R3HDM2: variants seen among roughly 807,000 people sequenced by gnomAD.
R3HDM2 encodes R3H domain-containing protein 2.
A neutral mutation model predicts 124.5 loss-of-function variants in R3HDM2; 38 were observed. The observed-to-expected ratio is 0.31, with a 90% CI of 0.24 to 0.40. R3HDM2 has a LOEUF of 0.40. Among genes scored for constraint, R3HDM2 ranks in the 10% least tolerant of loss-of-function variants. The pLI is 1.00. For synonymous variants in R3HDM2, 391 were observed against 448.0 expected, an observed-to-expected ratio of 0.87 and a Z score of 1.61; for missense variants, 869 against 1,236.9, an observed-to-expected ratio of 0.70 and a Z score of 4.46.
At chr12:57,408,996 T>C (rs2068771833) in intron 1 of R3HDM2, among the ~76,000 whole-genome samples, 1 of 152,184 alleles carries the variant, frequency 6.6e-6, no homozygotes, top group Admixed American at 6.5e-5. Context: ...TACTCAGCAA[T>C]TGACTTAATT....
At chr12:57,367,128 A>C (rs920871021) in intron 2 of R3HDM2, among the ~76,000 whole-genome samples, 1 of 152,026 alleles carries the variant, frequency 6.6e-6, no homozygotes, top group African/African-American at 2.4e-5. Flanking sequence ...CCTTCTAAGG[A>C]CTCTACTCAA....
chr12:57,261,924 C>T (rs1434865628), intron 19 of R3HDM2, among the ~76,000 whole-genome samples: 1 of 152,118 alleles, frequency 6.6e-6, no homozygotes, highest in Non-Finnish European at 1.5e-5. Flanking sequence ...GTGTGAATGG[C>T]TTTTTAAGTG....
chr12:57,280,612 T>G, intron 13 of R3HDM2, 82 bp from the exon 14 acceptor site: 3 of 1,293,482 alleles, frequency 2.3e-6, no homozygotes, highest in Non-Finnish European at 3.1e-6. Context: ...CAGAGGGCTC[T>G]ACTTTTTCTT....
chr12:57,370,704 T>A (rs2063248675), intron 2 of R3HDM2, among the ~76,000 whole-genome samples: 1 of 152,144 alleles, frequency 6.6e-6, no homozygotes, highest in South Asian at 2.1e-4. Flanking sequence ...AGGTAGTATG[T>A]TTATAGCAGT....
intron 19 of R3HDM2, among the ~76,000 whole-genome samples, chr12:57,260,263 C>CAAAAAAAAAAAAAAAAAAAAAAAGAAAA (rs566868060): frequency 3.2e-5 from 1 of 31,562 alleles, no homozygotes; most frequent in Non-Finnish European, 5.3e-5. Flanking sequence ...GACCCTGCCT[C>CAAAAAAAAAAAAAAAAAAAAAAAGAAAA]AAAAAAAAAA....
chr12:57,307,621 A>G (rs1252946757), intron 3 of R3HDM2, among the ~76,000 whole-genome samples: 1 of 120,664 alleles, frequency 8.3e-6, no homozygotes, highest in East Asian at 2.6e-4. Flanking sequence ...GCACCCAGCC[A>G]TGCTCTTTTT....
intron 4 of R3HDM2, 78 bp downstream of exon 4, chr12:57,303,098 C>A: frequency 7.6e-7 from 1 of 1,321,926 alleles, no homozygotes; most frequent in South Asian, 1.3e-5. Flanking sequence ...TTTGAACAAA[C>A]TAGATATTCA....
intron 2 of R3HDM2, among the ~76,000 whole-genome samples, chr12:57,360,813 T>C (rs1342219537): frequency 6.6e-6 from 1 of 152,130 alleles, no homozygotes; most frequent in South Asian, 2.1e-4. Context: ...CCCAGCATTT[T>C]GGGAGGCTGA....
intron 19 of R3HDM2, among the ~76,000 whole-genome samples, chr12:57,264,926 T>G (rs771357287): frequency 1.3e-5 from 2 of 152,178 alleles, no homozygotes; most frequent in Admixed American, 6.5e-5. Flanking sequence ...TGTGTACCAC[T>G]GCACACAGTC....
At chr12:57,418,745 G>A (rs1302342959) in intron 1 of R3HDM2, among the ~76,000 whole-genome samples, 2 of 151,884 alleles carry the variant, frequency 1.3e-5, no homozygotes, top group African/African-American at 4.8e-5. Context: ...TGTATTTTTG[G>A]TAGAGATGGG....
intron 2 of R3HDM2, among the ~76,000 whole-genome samples, chr12:57,380,952 G>A (rs964424153): frequency 6.6e-6 from 1 of 152,134 alleles, no homozygotes; most frequent in African/African-American, 2.4e-5. Flanking sequence ...TGGGCAGGCC[G>A]GGCACGGTGG....
intron 14 of R3HDM2, among the ~76,000 whole-genome samples, chr12:57,273,893 G>A (rs1331811778): frequency 6.6e-6 from 1 of 152,148 alleles, no homozygotes; most frequent in Non-Finnish European, 1.5e-5. Context: ...TCTCCAAAGA[G>A]GAGAATACTC....
At chr12:57,395,067 G>A (rs946069879) in intron 2 of R3HDM2, among the ~76,000 whole-genome samples, 2 of 151,850 alleles carry the variant, frequency 1.3e-5, no homozygotes, top group Non-Finnish European at 2.9e-5. Context: ...AAAATTAGCT[G>A]GGCATGGTGG....
At chr12:57,363,325 C>T (rs2062172464) in intron 2 of R3HDM2, among the ~76,000 whole-genome samples, 1 of 152,082 alleles carries the variant, frequency 6.6e-6, no homozygotes, top group Admixed American at 6.6e-5. Flanking sequence ...AATTCTATGG[C>T]TTTTAGCATA....
intron 2 of R3HDM2, among the ~76,000 whole-genome samples, chr12:57,370,613 C>T (rs898021846): frequency 6.6e-6 from 1 of 151,986 alleles, no homozygotes; most frequent in Non-Finnish European, 1.5e-5. Flanking sequence ...GCACTCCAGC[C>T]TGGGCAACAA....
chr12:57,377,728 C>A (rs1365346511), intron 2 of R3HDM2, among the ~76,000 whole-genome samples: 2 of 152,124 alleles, frequency 1.3e-5, no homozygotes, highest in Non-Finnish European at 1.5e-5. Context: ...ACATACCAGG[C>A]TTTGTGATCC....
rs147613444 is a variant in R3HDM2, at chr12:57,333,565, G to A, written c.-35-23102C>T. ...AAATTAGCCAGGCATGGTGGCAGGC[G>A]CCTGTAATCCCAGCTACTTTGAAGG... On this transcript the variant is annotated intron_variant, in intron 2 of 23. Transcript: ENST00000402412. Among the ~76,000 whole-genome samples the A allele has an allele frequency of 2.1e-3, 314 of 152,082 alleles. 1 individual carries two copies. Among genetic ancestry groups the A allele is most frequent in the African/African-American group, 7.3e-3 (301 of 41,492 alleles).
At chr12:57,343,469 G>A (rs534486611) in intron 2 of R3HDM2, among the ~76,000 whole-genome samples, 20 of 152,028 alleles carry the variant, frequency 1.3e-4, no homozygotes, top group African/African-American at 4.8e-4. Flanking sequence ...GATTACAGAC[G>A]TGAGCCACCG....
rs574111559 is a variant in R3HDM2, at chr12:57,409,689, T to TCC, written c.-105-13873_-105-13872dup. Among the ~76,000 whole-genome samples, 217 of 139,486 alleles carry TCC rather than the reference T, an allele frequency of 1.6e-3. 5 individuals carry two copies. In the South Asian group the frequency reaches 0.051, roughly 32 times the overall value. The allele number at this position is 139,486 out of a possible 152,430, so 91.5% of individuals were successfully genotyped here. A position where few individuals can be genotyped will look rare whatever the true frequency, so the allele number is the denominator to read the frequency against. On this transcript the variant is annotated intron_variant, in intron 1 of 23. Coordinates refer to ENST00000402412, the MANE Select transcript of R3HDM2 (RefSeq NM_001394031.1). Reference sequence around the variant, plus strand: ...TCAGAGATGACATATAGCCCCTTTATCCCTTTTGTAAAAAGTGTTAAGATA... The same window carrying TCC: ...TCAGAGATGACATATAGCCCCTTTATCCCCCTTTTGTAAAAAGTGTTAAGATA...
Sources: allele counts gnomAD v4.1 joint callset (sites outside exome capture counted in the v4.1 genomes callset), GRCh38; gene constraint gnomAD v4.1.1; transcripts MANE v1.5; gene names NCBI Gene and HGNC (gene_info 2026-07-23, HGNC 2026-07-21).